ZNF28: variants seen among roughly 807,000 people sequenced by gnomAD.
ZNF28 encodes zinc finger protein KOX24.
Under a neutral mutation model 7.2 loss-of-function variants are expected in ZNF28, and 5 were observed. That is an observed-to-expected ratio of 0.70 (90% CI 0.36 to 1.46). The LOEUF (loss-of-function observed/expected upper bound fraction) is 1.46, where lower values mean the gene tolerates loss of function less well. Among genes scored for constraint, ZNF28 ranks in the 40% most tolerant of loss-of-function variants. The pLI, the probability that ZNF28 is intolerant of heterozygous loss-of-function variation, is 0.03. For missense variants in ZNF28, 879 were observed against 866.6 expected, an observed-to-expected ratio of 1.01 and a Z score of -0.18; for synonymous variants, 288 against 292.4, an observed-to-expected ratio of 0.99 and a Z score of 0.15.
chr19:52,801,138 G>A lies in ZNF28; in HGVS notation c.707C>T (p.Thr236Ile), dbSNP rs777004461. ...CSSLLKKHQI[T>I]HLEEKQCKCD... ...TTTACATTGTTTCTCTTCTAAGTGG[G>A]TTATCTGATGTTTTTTTAAAAGTGA... Residue 236 changes from threonine to isoleucine, a missense_variant, in exon 4 of 4, where the codon ACC becomes ATC. Around this residue, in one of 2 missense-constraint regions of ZNF28, gnomAD observed 864 missense variants for 830.2 expected, o/e 1.04. Transcript: ENST00000457749. The A allele has an allele frequency of 1.9e-6, 3 of 1,613,898 alleles. No homozygotes were observed. The highest frequency in any genetic ancestry group is 1.3e-5 in the African/African-American group (1 of 74,892).
chr19:52,808,169 G>A, intron 2 of ZNF28, 36 bp from the exon 3 acceptor site: 9 of 1,610,436 alleles, frequency 5.6e-6, no homozygotes, highest in Non-Finnish European at 7.6e-6. Context: ...AATGGTTATG[G>A]TGGAGTTCTT....
Position 52,800,203 on chromosome 19 carries a change from C to A in ZNF28, c.1642G>T (p.Glu548Ter), listed in dbSNP as rs764342952. 1.2e-6 allele frequency: 2 copies of A among 1,613,372 alleles called. No homozygotes were observed. Among genetic ancestry groups the A allele is most frequent in the East Asian group, 4.5e-5 (2 of 44,654 alleles). Reference sequence around the variant, plus strand: ...CATTCTTCACATTTGTACGGTTTCTCTGCAGTATGAAGTTTATGATGACAT... The same window carrying A: ...CATTCTTCACATTTGTACGGTTTCTATGCAGTATGAAGTTTATGATGACAT... The part of the protein sequence containing the change: ...LACHHKLHTA[E>*]KPYKCEECEK... Residue 548 changes from glutamate to a stop codon, truncating the protein, a stop_gained, in exon 4 of 4, where the codon GAG (glutamate) becomes TAG (stop). Transcript: ENST00000457749. LOFTEE classifies it low-confidence loss of function (END_TRUNC).
intron 2 of ZNF28, chr19:52,809,823 G>GGCAGCAGCA: frequency 2.4e-6 from 1 of 423,302 alleles, no homozygotes; most frequent in Non-Finnish European, 4.1e-6. Context: ...GAGCGGCGAA[G>GGCAGCAGCA]GCGGCGGCGG....
chr19:52,810,801 T>C (rs1309270962), intron 2 of ZNF28: 5 of 415,148 alleles, frequency 1.2e-5, no homozygotes, highest in Non-Finnish European at 2.1e-5. Flanking sequence ...GAAGATGACC[T>C]TGATGGAAAA....
chr19:52,801,165 C>G lies in ZNF28; in HGVS notation c.680G>C (p.Ser227Thr). 6.2e-7 allele frequency: 1 copy of G among 1,614,000 alleles called. No homozygotes were observed. The highest frequency in any genetic ancestry group is 8.5e-7 in the Non-Finnish European group (1 of 1,179,988). ...TATCTGATGTTTTTTTAAAAGTGAG[C>G]TACAATTAAAGGATTTGCCACTCTC... ...CIESGKSFNCSSLLKKHQITH... is the reference protein window; with the variant it reads ...CIESGKSFNCTSLLKKHQITH... Residue 227 changes from serine to threonine, a missense_variant, in exon 4 of 4, where the codon AGC becomes ACC. This residue lies in a region of ZNF28 where 864 missense variants were observed against 830.2 expected (regional missense o/e 1.04). Coordinates refer to ENST00000457749, the MANE Select transcript of ZNF28 (RefSeq NM_006969.5).
In ZNF28 at chr19:52,815,929, A is replaced by T. The variant is rs1298971173; in HGVS notation, c.15+2015T>A. Among the ~76,000 whole-genome samples the T allele has an allele frequency of 7.5e-5, 11 of 147,434 alleles. 2 individuals carry two copies. Among genetic ancestry groups the T allele is most frequent in the African/African-American group, 2.6e-4 (10 of 38,246 alleles). ...GAGTTTGCCTCTGTAACAAACCTTC[A>T]CATGTAGCCCCAAACGTAAAGTAAA... On this transcript the variant is annotated intron_variant, in intron 2 of 3. Coordinates refer to ENST00000457749, the MANE Select transcript of ZNF28 (RefSeq NM_006969.5).
At chr19:52,815,485 C>G (rs918659420) in intron 2 of ZNF28, among the ~76,000 whole-genome samples, 9 of 145,108 alleles carry the variant, frequency 6.2e-5, no homozygotes, top group East Asian at 6.0e-4. Flanking sequence ...CCATAATACT[C>G]CAGTCTGGGC....
chr19:52,797,501 C>A lies in ZNF28; in HGVS notation c.*2187G>T, dbSNP rs2062812010. The A allele has an allele frequency of 6.6e-6, 1 of 152,192 alleles. No homozygotes were observed. The highest frequency in any genetic ancestry group is 2.4e-5 in the African/African-American group (1 of 41,450). The allele number at this position is 152,192 out of a possible 1,614,324, so 9.4% of individuals were successfully genotyped here. A position where few individuals can be genotyped will look rare whatever the true frequency, so the allele number is the denominator to read the frequency against. ...CCAAAATACAACTGGAACTAATAAA[C>A]ATATTCAGTGTATTTGCAGAATAGA... On this transcript the variant is annotated 3_prime_UTR_variant, in exon 4 of 4. Transcript: ENST00000457749.
chr19:52,800,951 A>G lies in ZNF28; in HGVS notation c.894T>C (p.Pro298=). 1 of 1,614,110 alleles carries G rather than the reference A, an allele frequency of 6.2e-7. No individual in the cohort carries two copies. The highest frequency in any genetic ancestry group is 1.1e-5 in the South Asian group (1 of 91,078). Residue 298 remains proline, a synonymous_variant, in exon 4 of 4, where the codon CCT becomes CCC. Coordinates refer to ENST00000457749, the MANE Select transcript of ZNF28 (RefSeq NM_006969.5). ...LHKALHTADK[P]YECEECDKVF... ...CTTTGTCACATTCTTCACATTCATA[A>G]GGTTTGTCTGCAGTATGAAGCGCCT...
At position 52,817,928 on chromosome 19, in the gene ZNF28, G is replaced by C; in HGVS notation, c.15+16C>G. ...AAGGAAGGAGACAGAGCAATCCACC[G>C]AGAATACCATCTCACCTGAGGAAGA... On this transcript the variant is annotated intron_variant, in intron 2 of 3. Coordinates refer to ENST00000457749, the MANE Select transcript of ZNF28 (RefSeq NM_006969.5). 6.2e-7 allele frequency: 1 copy of C among 1,610,062 alleles called. No individual in the cohort carries two copies. The highest frequency in any genetic ancestry group is 8.5e-7 in the Non-Finnish European group (1 of 1,179,698).
chr19:52,811,683 C>A (rs1862133540), intron 2 of ZNF28, among the ~76,000 whole-genome samples: 2 of 146,272 alleles, frequency 1.4e-5, no homozygotes, highest in South Asian at 2.2e-4. Context: ...AAGTGAGGAG[C>A]CCCTCCGTCC....
At chr19:52,815,276 G>T (rs750003634) in intron 2 of ZNF28, among the ~76,000 whole-genome samples, 1 of 145,084 alleles carries the variant, frequency 6.9e-6, no homozygotes, top group African/African-American at 2.7e-5. Context: ...AGCACTTTGG[G>T]AGGCTGAGGC....
Position 52,800,048 on chromosome 19 carries a change from T to G in ZNF28, c.1797A>C (p.Arg599Ser). 1 of 1,614,098 alleles carries G rather than the reference T, an allele frequency of 6.2e-7. No individual in the cohort carries two copies. The highest frequency in any genetic ancestry group is 1.1e-5 in the South Asian group (1 of 91,072). ...TGTAAGGTTTCTCTCCAGTATGAACTCTCTGATGTTGTGCCAGGTGTGAAT... is the reference window on the plus strand; with the variant it reads ...TGTAAGGTTTCTCTCCAGTATGAACGCTCTGATGTTGTGCCAGGTGTGAAT... ...RRDSHLAQHQ[R>S]VHTGEKPYKC... The change falls in exon 4 of 4, where the codon AGA becomes AGC. Residue 599 changes from arginine (R) to serine (S), a missense_variant. Physicochemically the swap from Arg to Ser is moderately radical, Grantham distance 110. Coordinates refer to ENST00000457749, the MANE Select transcript of ZNF28 (RefSeq NM_006969.5).
rs1380352637 is a variant in ZNF28 at position 52,820,319 on chromosome 19, T to G, written c.-74+1267A>C. On this transcript the variant is annotated intron_variant, in intron 1 of 3. Coordinates refer to ENST00000457749, the MANE Select transcript of ZNF28 (RefSeq NM_006969.5). The stretch of plus-strand genomic sequence containing the variant: ...TTTTTAGTAGAGACGGGGTTTCACC[T>G]TGTTAGCCAGGATGGTCTCGATCTC... 5.9e-5 allele frequency among the ~76,000 whole-genome samples: 8 copies of G among 135,732 alleles called. 1 individual carries two copies. The highest frequency in any genetic ancestry group is 1.5e-4 in the Admixed American group (2 of 13,484). The allele number at this position is 135,732 out of a possible 152,430, so 89.0% of individuals were successfully genotyped here. A position where few individuals can be genotyped will look rare whatever the true frequency, so the allele number is the denominator to read the frequency against.
chr19:52,809,850 G>A lies in ZNF28; in HGVS notation c.16-1717C>T, dbSNP rs1296407303. The A allele has an allele frequency of 5.1e-6, 3 of 587,114 alleles. No individual in the cohort carries two copies. In the Admixed American group the frequency reaches 1.0e-4, roughly 20 times the overall value. 36.4% of individuals were successfully genotyped at this position (587,114 alleles called of 1,614,324 possible). On this transcript the variant is annotated intron_variant, in intron 2 of 3. Transcript: ENST00000457749. ...CGGCGGCGGCGGCGGTGGCGGTGGT[G>A]GCAGTAGCACTGGGCCTGCGGGCGG...
In ZNF28 at chr19:52,815,101, T is replaced by TTA. The variant is rs71938117; in HGVS notation, c.15+2841_15+2842dup. On this transcript the variant is annotated intron_variant, in intron 2 of 3. Transcript: ENST00000457749. ...TGTGTATGTGTGTGTATATATATAT[T>TTA]TATATATATATATAAAGGTTTTTAA... 7.9e-5 allele frequency among the ~76,000 whole-genome samples: 11 copies of TTA among 139,922 alleles called. 1 individual carries two copies. Among genetic ancestry groups the TTA allele is most frequent in the Admixed American group, 3.7e-4 (5 of 13,578 alleles). The allele number at this position is 139,922 out of a possible 152,430, so 91.8% of individuals were successfully genotyped here.
Position 52,798,846 on chromosome 19 carries a change from A to G in ZNF28, c.*842T>C. On this transcript the variant is annotated 3_prime_UTR_variant, in exon 4 of 4. Coordinates refer to ENST00000457749, the MANE Select transcript of ZNF28 (RefSeq NM_006969.5). ...CTGAAAACTTTGTGACAATCATTAT[A>G]TTAGTCAAGTTTCCCTATACTATGG... 8.5e-7 allele frequency: 1 copy of G among 1,172,080 alleles called. No individual in the cohort carries two copies. Among genetic ancestry groups the G allele is most frequent in the Non-Finnish European group, 1.2e-6 (1 of 825,474 alleles). 72.6% of individuals were successfully genotyped at this position (1,172,080 alleles called of 1,614,324 possible).
intron 1 of ZNF28, among the ~76,000 whole-genome samples, chr19:52,819,329 A>C (rs1600488002): frequency 1.4e-5 from 2 of 144,122 alleles, no homozygotes; most frequent in South Asian, 4.7e-4. Flanking sequence ...TGATATTCTA[A>C]TACAGACAAA....
rs966127502 is a variant in ZNF28 at position 52,799,465 on chromosome 19, G to C, written c.*223C>G. Reference sequence around the variant, plus strand: ...AGTTTCTCTGCAGTATGAATTCTATGATGACGTGCAAGGGTTGTTTTTTGA... The same window carrying C: ...AGTTTCTCTGCAGTATGAATTCTATCATGACGTGCAAGGGTTGTTTTTTGA... On this transcript the variant is annotated 3_prime_UTR_variant, in exon 4 of 4. Coordinates refer to ENST00000457749, the MANE Select transcript of ZNF28 (RefSeq NM_006969.5). 3.2e-5 allele frequency: 28 copies of C among 870,456 alleles called. No individual in the cohort carries two copies. The South Asian group carries it at 4.2e-4, about 13-fold the overall frequency. The allele number at this position is 870,456 out of a possible 1,614,324, so 53.9% of individuals were successfully genotyped here.
Sources: allele counts gnomAD v4.1 joint callset (sites outside exome capture counted in the v4.1 genomes callset), GRCh38; gene constraint gnomAD v4.1.1; regional missense constraint gnomAD v4.1.1; transcripts MANE v1.5; gene names NCBI Gene and HGNC (gene_info 2026-07-23, HGNC 2026-07-21).